The following TRPM6 variants were observed in gnomAD, a reference collection of about 807,000 sequenced individuals.
The protein encoded by TRPM6 is channel kinase 2.
In TRPM6, 111 loss-of-function variants were observed where a neutral mutation model predicts 247.6. The ratio of observed to expected loss-of-function variants is 0.45; its 90% confidence interval spans 0.38 to 0.52. The LOEUF is 0.52. Among genes scored for constraint, TRPM6 ranks in the 20% least tolerant of loss-of-function variants. TRPM6 has a pLI of 0.00. For synonymous variants in TRPM6, 892 were observed against 853.8 expected, an observed-to-expected ratio of 1.04 and a Z score of -0.78; for missense variants, 2,126 against 2,421.5, an observed-to-expected ratio of 0.88 and a Z score of 2.56.
At chr9:74,795,506 T>C (rs1284072809) in intron 18 of TRPM6, among the ~76,000 whole-genome samples, 2 of 152,192 alleles carry the variant, frequency 1.3e-5, no homozygotes, top group African/African-American at 4.8e-5. Context: ...GCTTTACATA[T>C]ACCTTGCCAC....
chr9:74,811,794 A>G (rs1010448450), intron 12 of TRPM6, among the ~76,000 whole-genome samples: 52 of 152,226 alleles, frequency 3.4e-4, no homozygotes, highest in African/African-American at 1.2e-3. Flanking sequence ...ACCCCTGGCA[A>G]TGGAAAGTGA....
Position 74,766,590 on chromosome 9 carries a change from G to A in TRPM6, c.3537-3456C>T, listed in dbSNP as rs1410517876. Among the ~76,000 whole-genome samples the A allele has an allele frequency of 2.0e-5, 3 of 152,138 alleles. No homozygotes were observed. The East Asian group carries it at 5.8e-4, about 29-fold the overall frequency. On this transcript the variant is annotated intron_variant, in intron 25 of 38. Coordinates refer to ENST00000360774, the MANE Select transcript of TRPM6 (RefSeq NM_017662.5). ...ATCCATGTAACAACCCTATAAGGTA[G>A]GAATTACTATTATCCTTTCATAGAA...
At chr9:74,779,180 G>A (rs1215679880) in intron 23 of TRPM6, among the ~76,000 whole-genome samples, 2 of 152,166 alleles carry the variant, frequency 1.3e-5, no homozygotes, top group African/African-American at 4.8e-5. Flanking sequence ...GGGAGGTTGA[G>A]GTGGGAGGAT....
rs146479730 is a variant in TRPM6 at position 74,772,151 on chromosome 9, C to T, written c.3404-316G>A. Among the ~76,000 whole-genome samples, 215 of 152,124 alleles carry T rather than the reference C, an allele frequency of 1.4e-3. 7 individuals are homozygous for T. The East Asian group carries it at 0.022, about 16-fold the overall frequency. ...CAAAAAAATTTCAATATTAGCTAGG[C>T]GCCTGTGGTCCCAGCTACACAGGAA... On this transcript the variant is annotated intron_variant, in intron 24 of 38. Coordinates refer to ENST00000360774, the MANE Select transcript of TRPM6 (RefSeq NM_017662.5).
At chr9:74,747,230 A>T (rs770671205) in intron 31 of TRPM6, among the ~76,000 whole-genome samples, 8 of 152,282 alleles carry the variant, frequency 5.3e-5, no homozygotes, top group Non-Finnish European at 1.2e-4. Context: ...AGCTAGGTAA[A>T]TCAAGAAAAA....
chr9:74,788,860 A>C (rs1346077358), intron 19 of TRPM6, 118 bp from the exon 20 acceptor site: 7 of 1,206,726 alleles, frequency 5.8e-6, no homozygotes, highest in Non-Finnish European at 8.3e-6. Flanking sequence ...ACGAACACAG[A>C]ACTAGGACCA....
intron 37 of TRPM6, among the ~76,000 whole-genome samples, chr9:74,728,700 A>G (rs1049476877): frequency 1.3e-5 from 2 of 152,270 alleles, no homozygotes; most frequent in Non-Finnish European, 2.9e-5. Flanking sequence ...ATGTTCTACT[A>G]GAATACCCCA....
chr9:74,760,113 G>A (rs1207052474), intron 27 of TRPM6, among the ~76,000 whole-genome samples: 1 of 152,128 alleles, frequency 6.6e-6, no homozygotes, highest in Non-Finnish European at 1.5e-5. Context: ...AGCACATTTT[G>A]TTTTTTATAA....
At chr9:74,885,926 A>T (rs928333303) in intron 1 of TRPM6, among the ~76,000 whole-genome samples, 15 of 152,306 alleles carry the variant, frequency 9.8e-5, no homozygotes, top group African/African-American at 3.4e-4. Flanking sequence ...TAAAATAAAA[A>T]GTGAGAAATT....
At chr9:74,819,919 G>A (rs541975551) in intron 9 of TRPM6, among the ~76,000 whole-genome samples, 1 of 152,278 alleles carries the variant, frequency 6.6e-6, no homozygotes, top group East Asian at 1.9e-4. Flanking sequence ...TTTACTCAAC[G>A]AAGAATCAAA....
At chr9:74,788,958 C>A (rs1264157989) in intron 19 of TRPM6, among the ~76,000 whole-genome samples, 1 of 152,204 alleles carries the variant, frequency 6.6e-6, no homozygotes, top group Non-Finnish European at 1.5e-5. Context: ...AATGAAATCA[C>A]TGTTCTCAGA....
chr9:74,787,874 C>T (rs1045687901), intron 20 of TRPM6, among the ~76,000 whole-genome samples: 4 of 152,122 alleles, frequency 2.6e-5, no homozygotes, highest in South Asian at 4.2e-4. Context: ...TGCCACCATG[C>T]CCGGCTAATT....
chr9:74,853,018 C>T (rs1343179891), intron 3 of TRPM6, among the ~76,000 whole-genome samples: 25 of 151,790 alleles, frequency 1.6e-4, no homozygotes, highest in African/African-American at 5.8e-4. Flanking sequence ...GCGTCTCTGC[C>T]CGGCCCCCCG....
rs1587565948 is a variant in TRPM6 at position 74,840,181 on chromosome 9, T to A, written c.387A>T (p.Lys129Asn). The A allele has an allele frequency of 6.2e-7, 1 of 1,614,162 alleles. No individual in the cohort carries two copies. Among genetic ancestry groups the A allele is most frequent in the East Asian group, 2.2e-5 (1 of 44,880 alleles). ...KLDHLLHLML[K>N]EWKMELPKLV... ...GCTTGGGCAGTTCCATTTTCCACTC[T>A]TTCAACATTAAATGTAACAGATGAT... The change falls in exon 5 of 39, where the codon AAA becomes AAT. Residue 129 changes from lysine to asparagine, a missense_variant. Transcript: ENST00000360774.
chr9:74,886,598 T>C (rs1377633252), intron 1 of TRPM6, among the ~76,000 whole-genome samples: 2 of 152,138 alleles, frequency 1.3e-5, no homozygotes, highest in Non-Finnish European at 2.9e-5. Flanking sequence ...TCCTTTGGTT[T>C]CATTTTCCTC....
intron 1 of TRPM6, among the ~76,000 whole-genome samples, chr9:74,874,184 T>C (rs111473428): frequency 0.021 from 3,207 of 151,092 alleles, 129 homozygotes; most frequent in African/African-American, 0.075. Flanking sequence ...TGCCATTAGC[T>C]GAGATTGTGC....
At position 74,808,207 on chromosome 9, in the gene TRPM6, T is replaced by G. The variant is rs373803593; in HGVS notation, c.1498-33A>C. The G allele has an allele frequency of 5.0e-6, 8 of 1,613,370 alleles. No individual in the cohort carries two copies. In the South Asian group the frequency reaches 8.8e-5, roughly 18 times the overall value. On this transcript the variant is annotated intron_variant, in intron 13 of 38. Transcript: ENST00000360774. ...AAAAACATGCAACGACTTTTAACTT[T>G]TAGTTATCTTCTTTCATTTCTCTTG...
chr9:74,843,999 T>C (rs1477836554), intron 3 of TRPM6, among the ~76,000 whole-genome samples: 1 of 152,188 alleles, frequency 6.6e-6, no homozygotes, highest in African/African-American at 2.4e-5. Context: ...AAGGAATCTT[T>C]CTTTTTTAAA....
intron 25 of TRPM6, among the ~76,000 whole-genome samples, chr9:74,769,904 C>G (rs1469955862): frequency 6.6e-6 from 1 of 152,118 alleles, no homozygotes; most frequent in East Asian, 1.9e-4. Flanking sequence ...GCTCCTAATA[C>G]GAGTCTATGC....
Sources: gnomAD v4.1 joint callset for allele counts (sites outside exome capture counted in the v4.1 genomes callset) on GRCh38, gnomAD v4.1.1 for gene constraint, MANE v1.5 for transcripts, NCBI Gene and HGNC (gene_info 2026-07-23, HGNC 2026-07-21) for gene names.